Variants in ARHGAP26 observed in about 807,000 individuals in gnomAD.
ARHGAP26 encodes the protein rho GTPase-activating protein 26.
A neutral mutation model predicts 104.8 loss-of-function variants in ARHGAP26; 38 were observed. The observed-to-expected ratio is 0.36, with a 90% confidence interval of 0.28 to 0.48. ARHGAP26 has a LOEUF of 0.48. ARHGAP26 is among the 20% of genes least tolerant of loss of function. The pLI is 0.99. For synonymous variants in ARHGAP26, 341 were observed against 340.0 expected, an observed-to-expected ratio of 1.00 and a Z score of -0.03; for missense variants, 704 against 947.9, an observed-to-expected ratio of 0.74 and a Z score of 3.38.
chr5:143,211,520 A>G (rs111254964), intron 21 of ARHGAP26, among the ~76,000 whole-genome samples: 26 of 152,048 alleles, frequency 1.7e-4, no homozygotes, highest in Non-Finnish European at 3.8e-4. Context: ...TTGCCTATCA[A>G]CTTGAGAAAA....
chr5:142,876,541 C>T (rs1256003461), intron 3 of ARHGAP26, among the ~76,000 whole-genome samples: 5 of 151,722 alleles, frequency 3.3e-5, no homozygotes, highest in East Asian at 1.9e-4. Context: ...CTTGGGATGC[C>T]GAGGTGAGAG....
intron 9 of ARHGAP26, chr5:142,908,872 C>G (rs1483142461): frequency 6.0e-6 from 1 of 167,324 alleles, no homozygotes; most frequent in African/African-American, 2.4e-5. Context: ...CCTCTCGCCT[C>G]CTGCCTGCTT....
intron 20 of ARHGAP26, among the ~76,000 whole-genome samples, chr5:143,200,071 A>C (rs933074809): frequency 6.6e-6 from 1 of 152,230 alleles, no homozygotes; most frequent in African/African-American, 2.4e-5. Context: ...AGAACACAGG[A>C]AGGGAATTGT....
chr5:142,793,084 C>T (rs1760186120), intron 1 of ARHGAP26, among the ~76,000 whole-genome samples: 1 of 152,018 alleles, frequency 6.6e-6, no homozygotes. Context: ...TGAATCCACT[C>T]CTGCCCTCGA....
At chr5:143,065,153 A>G (rs567819249) in intron 17 of ARHGAP26, among the ~76,000 whole-genome samples, 39 of 152,280 alleles carry the variant, frequency 2.6e-4, no homozygotes, top group African/African-American at 9.4e-4. Context: ...AGAGAGTATC[A>G]GCAAACATGA....
intron 13 of ARHGAP26, among the ~76,000 whole-genome samples, chr5:143,040,012 G>A (rs963685611): frequency 3.9e-5 from 6 of 152,322 alleles, no homozygotes; most frequent in East Asian, 3.9e-4. Context: ...ATGTGCATAC[G>A]TATTTATGGT....
chr5:142,919,313 G>T, intron 10 of ARHGAP26: 1 of 398,630 alleles, frequency 2.5e-6, no homozygotes, highest in Non-Finnish European at 4.4e-6. Flanking sequence ...AACACCAAAG[G>T]TTGGCAGCAG....
intron 11 of ARHGAP26, among the ~76,000 whole-genome samples, chr5:143,013,441 CCT>C (rs1779158396): frequency 6.6e-6 from 1 of 151,992 alleles, no homozygotes; most frequent in Non-Finnish European, 1.5e-5. Context: ...GGGTACTTTC[CCT>C]TTTTGTGATT....
intron 20 of ARHGAP26, among the ~76,000 whole-genome samples, chr5:143,206,363 G>GTTA (rs1562608652): frequency 2.0e-5 from 3 of 152,214 alleles, no homozygotes; most frequent in African/African-American, 7.2e-5. Flanking sequence ...ATAAGTCAAA[G>GTTA]GGCTAACACA....
intron 1 of ARHGAP26, among the ~76,000 whole-genome samples, chr5:142,817,745 C>T (rs893127287): frequency 3.9e-5 from 6 of 152,152 alleles, no homozygotes; most frequent in African/African-American, 1.4e-4. Context: ...CATCTGTGCT[C>T]GCCAAATTGC....
intron 17 of ARHGAP26, among the ~76,000 whole-genome samples, chr5:143,068,176 T>TA (rs1178951088): frequency 2.6e-5 from 4 of 151,982 alleles, no homozygotes; most frequent in African/African-American, 7.2e-5. Flanking sequence ...AGAAATAAAA[T>TA]AAAAAATAAA....
rs1388801895 is a variant in ARHGAP26 at position 142,932,043 on chromosome 5, G to T, written c.1029-4G>T. The T allele has an allele frequency of 1.2e-6, 2 of 1,613,770 alleles. No individual in the cohort carries two copies. Among genetic ancestry groups the T allele is most frequent in the Admixed American group, 3.3e-5 (2 of 60,002 alleles). On this transcript the variant is annotated splice_region_variant and splice_polypyrimidine_tract_variant and intron_variant, in intron 10 of 22. Transcript: ENST00000645722. ...TCATATCCATGTCCCTCCTTTCTCT[G>T]CAGGCCAGGGGTTATCACCATGCAA...
At chr5:142,771,099 A>G in intron 1 of ARHGAP26, 184 bp downstream of exon 1, 1 of 1,332,204 alleles carries the variant, frequency 7.5e-7, no homozygotes, top group Non-Finnish European at 9.7e-7. Context: ...TCAGATGAAG[A>G]GAGAGACCCG....
intron 12 of ARHGAP26, among the ~76,000 whole-genome samples, chr5:143,022,007 G>C (rs760583876): frequency 1.3e-5 from 2 of 152,178 alleles, no homozygotes; most frequent in Non-Finnish European, 2.9e-5. Flanking sequence ...TTACCATCTA[G>C]ACTTCTGTAT....
chr5:142,774,905 G>T (rs1314704385), intron 1 of ARHGAP26, among the ~76,000 whole-genome samples: 1 of 151,804 alleles, frequency 6.6e-6, no homozygotes, highest in East Asian at 1.9e-4. Context: ...GTCCTCTTAT[G>T]GCTGGGTAGC....
At chr5:143,173,306 G>A (rs750947764) in intron 20 of ARHGAP26, among the ~76,000 whole-genome samples, 1 of 152,170 alleles carries the variant, frequency 6.6e-6, no homozygotes, top group Non-Finnish European at 1.5e-5. Context: ...AAAGCACTAG[G>A]ATTACGAGCA....
chr5:143,214,997 T>G (rs1810119755), intron 22 of ARHGAP26, among the ~76,000 whole-genome samples: 1 of 152,232 alleles, frequency 6.6e-6, no homozygotes. Flanking sequence ...CAGCTGGTGC[T>G]TGCAGGCCCC....
At chr5:142,818,060 T>C (rs3797088) in intron 1 of ARHGAP26, among the ~76,000 whole-genome samples, 6,775 of 152,232 alleles carry the variant, frequency 0.045, 212 homozygotes, top group East Asian at 0.11. Context: ...CATCCAGTCC[T>C]AACACCAGGA....
chr5:142,861,408 G>A (rs967508050), intron 1 of ARHGAP26, among the ~76,000 whole-genome samples: 1 of 151,262 alleles, frequency 6.6e-6, no homozygotes. Flanking sequence ...GGAGATGAGC[G>A]GATTTTTGTT....
Sources: allele counts gnomAD v4.1 joint callset (sites outside exome capture counted in the v4.1 genomes callset), GRCh38; gene constraint gnomAD v4.1.1; transcripts MANE v1.5; gene names NCBI Gene and HGNC (gene_info 2026-07-23, HGNC 2026-07-21).